ST6GALNAC3: variants seen among roughly 807,000 people sequenced by gnomAD.
ST6GALNAC3 encodes alpha-N-acetylgalactosaminide alpha-2,6-sialyltransferase 3.
In ST6GALNAC3, 25 loss-of-function variants were observed where a neutral mutation model predicts 32.7. The observed-to-expected ratio is 0.76, with a 90% confidence interval of 0.56 to 1.07. The LOEUF is 1.07. ST6GALNAC3 is among the 50% of genes least tolerant of loss of function. The probability of loss-of-function intolerance (pLI) is 0.00; values close to 1 mark genes in which losing one functional copy is unlikely to be tolerated. For synonymous variants in ST6GALNAC3, 129 were observed against 133.1 expected (o/e 0.97, Z 0.21); for missense variants, 355 against 382.4 (o/e 0.93, Z 0.60).
At chr1:76,296,216 G>A (rs979442878) in intron 1 of ST6GALNAC3, among the ~76,000 whole-genome samples, 7 of 152,030 alleles carry the variant, frequency 4.6e-5, no homozygotes, top group African/African-American at 1.7e-4. Flanking sequence ...CCAGAGGGGA[G>A]GAAGTGGAGG....
At chr1:76,466,288 T>G (rs1259457590) in intron 3 of ST6GALNAC3, among the ~76,000 whole-genome samples, 1 of 152,020 alleles carries the variant, frequency 6.6e-6, no homozygotes, top group Non-Finnish European at 1.5e-5. Flanking sequence ...GAGAGATGTC[T>G]CAATGAACTG....
chr1:76,529,509 T>C (rs528358763), intron 3 of ST6GALNAC3, among the ~76,000 whole-genome samples: 1 of 152,284 alleles, frequency 6.6e-6, no homozygotes, highest in South Asian at 2.1e-4. Context: ...TGGATGTACA[T>C]ATTAATTTTC....
intron 3 of ST6GALNAC3, among the ~76,000 whole-genome samples, chr1:76,596,972 A>G (rs1363917136): frequency 6.6e-6 from 1 of 152,196 alleles, no homozygotes; most frequent in Non-Finnish European, 1.5e-5. Flanking sequence ...CTCACTAACT[A>G]CTGCTGTGTT....
intron 1 of ST6GALNAC3, among the ~76,000 whole-genome samples, chr1:76,171,216 C>T (rs1333776296): frequency 6.6e-6 from 1 of 152,100 alleles, no homozygotes; most frequent in Non-Finnish European, 1.5e-5. Context: ...CTACCTCCCA[C>T]ACCCTCTTGG....
intron 1 of ST6GALNAC3, among the ~76,000 whole-genome samples, chr1:76,217,870 G>A (rs1655557500): frequency 6.6e-6 from 1 of 152,156 alleles, no homozygotes; most frequent in Admixed American, 6.5e-5. Context: ...TGGCTGAGTA[G>A]TATTCTATGG....
intron 1 of ST6GALNAC3, among the ~76,000 whole-genome samples, chr1:76,146,808 G>T (rs950051344): frequency 1.3e-5 from 2 of 152,162 alleles, no homozygotes; most frequent in African/African-American, 2.4e-5. Context: ...TTAATATGCT[G>T]CCAGGAGGGG....
At chr1:76,481,548 A>C (rs1217727529) in intron 3 of ST6GALNAC3, among the ~76,000 whole-genome samples, 1 of 152,124 alleles carries the variant, frequency 6.6e-6, no homozygotes, top group Non-Finnish European at 1.5e-5. Flanking sequence ...CACATTCTGG[A>C]GTTTCTTTCA....
intron 1 of ST6GALNAC3, among the ~76,000 whole-genome samples, chr1:76,127,035 T>C (rs2100853390): frequency 6.6e-6 from 1 of 152,312 alleles, no homozygotes; most frequent in African/African-American, 2.4e-5. Flanking sequence ...AGTTGCTCCG[T>C]GTTGCAGTGA....
At chr1:76,515,731 CGTT>C (rs1321815371) in intron 3 of ST6GALNAC3, among the ~76,000 whole-genome samples, 1 of 151,994 alleles carries the variant, frequency 6.6e-6, no homozygotes, top group African/African-American at 2.4e-5. Flanking sequence ...AAGTTTTTCT[CGTT>C]GTTGATTTCT....
intron 1 of ST6GALNAC3, among the ~76,000 whole-genome samples, chr1:76,103,002 A>G (rs76560645): frequency 0.013 from 2,012 of 152,038 alleles, 21 homozygotes; most frequent in Middle Eastern, 0.031. Flanking sequence ...TGTTCTTTCA[A>G]TACTTAAAAG....
chr1:76,528,766 G>A (rs568205440), intron 3 of ST6GALNAC3, among the ~76,000 whole-genome samples: 1 of 151,350 alleles, frequency 6.6e-6, no homozygotes, highest in Non-Finnish European at 1.5e-5. Context: ...AGAAAACAAC[G>A]AGCAAGAATA....
intron 2 of ST6GALNAC3, among the ~76,000 whole-genome samples, chr1:76,336,645 A>G (rs1417629536): frequency 6.6e-6 from 1 of 152,158 alleles, no homozygotes; most frequent in African/African-American, 2.4e-5. Flanking sequence ...AAAACAGCTG[A>G]TGAGTGATGA....
chr1:76,165,778 G>GT (rs1001502770), intron 1 of ST6GALNAC3, among the ~76,000 whole-genome samples: 1 of 152,016 alleles, frequency 6.6e-6, no homozygotes, highest in South Asian at 2.1e-4. Context: ...GTGATGCTGA[G>GT]TTTTTTTTCA....
chr1:76,221,871 C>G (rs552513128), intron 1 of ST6GALNAC3, among the ~76,000 whole-genome samples: 117 of 152,160 alleles, frequency 7.7e-4, no homozygotes, highest in African/African-American at 2.8e-3. Flanking sequence ...CAAAAAATAT[C>G]TCCACTATTA....
At chr1:76,374,724 G>A (rs1159763342) in intron 2 of ST6GALNAC3, among the ~76,000 whole-genome samples, 1 of 152,036 alleles carries the variant, frequency 6.6e-6, no homozygotes, top group African/African-American at 2.4e-5. Flanking sequence ...CATCTTACAT[G>A]TTATTTACCT....
At chr1:76,145,112 G>A (rs897587007) in intron 1 of ST6GALNAC3, among the ~76,000 whole-genome samples, 5 of 152,170 alleles carry the variant, frequency 3.3e-5, no homozygotes, top group African/African-American at 9.7e-5. Context: ...GCTGCTCAGA[G>A]TAGAGAGCCT....
chr1:76,119,282 G>A (rs72992606), intron 1 of ST6GALNAC3, among the ~76,000 whole-genome samples: 7 of 152,192 alleles, frequency 4.6e-5, no homozygotes, highest in African/African-American at 1.7e-4. Flanking sequence ...ATCCAAGTTT[G>A]CATCTCAGTG....
At chr1:76,311,451 ACC>A (rs1455813522) in intron 1 of ST6GALNAC3, among the ~76,000 whole-genome samples, 6 of 151,894 alleles carry the variant, frequency 4.0e-5, no homozygotes, top group Admixed American at 3.9e-4. Context: ...CCCTGACAGG[ACC>A]CGGTGTGTGA....
At chr1:76,112,531 C>T (rs1648096006) in intron 1 of ST6GALNAC3, among the ~76,000 whole-genome samples, 1 of 151,642 alleles carries the variant, frequency 6.6e-6, no homozygotes, top group South Asian at 2.1e-4. Flanking sequence ...ACCCCCACCT[C>T]CCTCCCGGAC....
Sources: gnomAD v4.1 joint callset for allele counts (sites outside exome capture counted in the v4.1 genomes callset) on GRCh38, gnomAD v4.1.1 for gene constraint, MANE v1.5 for transcripts, NCBI Gene and HGNC (gene_info 2026-07-23, HGNC 2026-07-21) for gene names.